Variants in WWOX observed in about 807,000 individuals in gnomAD.
WWOX encodes WW domain containing oxidoreductase, also known as WW domain-containing oxidoreductase.
A neutral mutation model predicts 46.2 loss-of-function variants in WWOX; 69 were observed. That is an observed-to-expected ratio of 1.49 (90% CI 1.23 to 1.82). WWOX has a LOEUF of 1.82. Ranked by LOEUF, WWOX falls within the 40% of genes most tolerant of loss-of-function variation. WWOX has a pLI of 0.00. For synonymous variants in WWOX, 359 were observed against 202.6 expected, an observed-to-expected ratio of 1.77 and a Z score of -6.56; for missense variants, 919 against 542.6, an observed-to-expected ratio of 1.69 and a Z score of -6.89.
At chr16:78,581,305 C>A (rs573321502) in intron 8 of WWOX, among the ~76,000 whole-genome samples, 2 of 152,238 alleles carry the variant, frequency 1.3e-5, no homozygotes, top group African/African-American at 4.8e-5. Flanking sequence ...TGGAAGCCAA[C>A]CTTTTCTATA....
chr16:78,308,108 T>C (rs565398189), intron 5 of WWOX, among the ~76,000 whole-genome samples: 2 of 152,274 alleles, frequency 1.3e-5, no homozygotes, highest in Non-Finnish European at 2.9e-5. Flanking sequence ...CCTTCATTTT[T>C]CTCTCATGGT....
At chr16:78,877,577 G>A (rs910181486) in intron 8 of WWOX, among the ~76,000 whole-genome samples, 20 of 152,132 alleles carry the variant, frequency 1.3e-4, no homozygotes, top group African/African-American at 4.8e-4. Context: ...TATTCCTTGT[G>A]GCACTTATTA....
intron 8 of WWOX, among the ~76,000 whole-genome samples, chr16:78,619,492 G>A (rs576961008): frequency 1.3e-4 from 20 of 151,446 alleles, no homozygotes; most frequent in Non-Finnish European, 2.6e-4. Context: ...AATAATTACA[G>A]GACCCTGCCA....
intron 8 of WWOX, among the ~76,000 whole-genome samples, chr16:78,910,416 TG>T (rs1322285656): frequency 6.6e-6 from 1 of 152,000 alleles, no homozygotes; most frequent in Non-Finnish European, 1.5e-5. Context: ...CACCGTGTTA[TG>T]GGGGTTGTTC....
At chr16:78,568,178 A>T (rs1210529867) in intron 8 of WWOX, among the ~76,000 whole-genome samples, 1 of 152,128 alleles carries the variant, frequency 6.6e-6, no homozygotes, top group Non-Finnish European at 1.5e-5. Flanking sequence ...ACCAAAAATC[A>T]TCCTCTGAAA....
At chr16:78,730,249 C>G (rs528804961) in intron 8 of WWOX, among the ~76,000 whole-genome samples, 3 of 152,052 alleles carry the variant, frequency 2.0e-5, no homozygotes, top group Admixed American at 6.6e-5. Flanking sequence ...ATCTTATGAA[C>G]GACGTTAGTA....
chr16:78,509,574 C>T (rs182735639), intron 8 of WWOX, among the ~76,000 whole-genome samples: 13 of 152,220 alleles, frequency 8.5e-5, no homozygotes, highest in African/African-American at 2.4e-4. Flanking sequence ...TATTTGCAGA[C>T]GCTCTGCCAG....
Position 78,115,128 on chromosome 16 carries a change from T to A in WWOX, c.383T>A (p.Val128Glu). The A allele has an allele frequency of 6.2e-7, 1 of 1,614,242 alleles. No homozygotes were observed. Among genetic ancestry groups the A allele is most frequent in the Non-Finnish European group, 8.5e-7 (1 of 1,180,036 alleles). ...CGGGATTTCACTGGCAAAGTGGTTG[T>A]GGTCACTGGAGCTAATTCAGGAATA... The part of the protein sequence containing the change: ...QGRDFTGKVV[V>E]VTGANSGIGF... Residue 128 changes from valine to glutamate, a missense_variant, in exon 4 of 9, where the codon GTG becomes GAG. Transcript: ENST00000566780.
chr16:78,742,506 G>T (rs556442512), intron 8 of WWOX, among the ~76,000 whole-genome samples: 21 of 152,322 alleles, frequency 1.4e-4, no homozygotes, highest in African/African-American at 4.8e-4. Context: ...AGAGCCTCTG[G>T]TATGTACTAG....
intron 5 of WWOX, among the ~76,000 whole-genome samples, chr16:78,181,712 G>A (rs2035537698): frequency 6.6e-6 from 1 of 151,900 alleles, no homozygotes; most frequent in Admixed American, 6.5e-5. Flanking sequence ...TTTTTTCTGA[G>A]GAACACAGGA....
intron 8 of WWOX, among the ~76,000 whole-genome samples, chr16:78,528,569 C>T (rs1019869541): frequency 6.6e-6 from 1 of 152,014 alleles, no homozygotes; most frequent in Admixed American, 6.6e-5. Context: ...AATGTTTTTG[C>T]TTTGGGGTAC....
At chr16:78,583,047 T>C (rs1195241541) in intron 8 of WWOX, among the ~76,000 whole-genome samples, 1 of 152,248 alleles carries the variant, frequency 6.6e-6, no homozygotes, top group African/African-American at 2.4e-5. Context: ...AGAGTGAAGA[T>C]GATTTCTCCA....
chr16:78,307,152 C>G (rs537381422), intron 5 of WWOX, among the ~76,000 whole-genome samples: 6 of 152,288 alleles, frequency 3.9e-5, no homozygotes, highest in Admixed American at 2.0e-4. Flanking sequence ...AGAACTTAAG[C>G]AGCATCTGTT....
intron 5 of WWOX, chr16:78,355,824 G>GA (rs1311731789): frequency 1.4e-6 from 1 of 695,436 alleles, no homozygotes; most frequent in East Asian, 3.6e-5. Flanking sequence ...CCTCCACTGA[G>GA]AGTTGGCTGA....
At chr16:78,450,771 T>C (rs188865912) in intron 8 of WWOX, among the ~76,000 whole-genome samples, 1 of 152,354 alleles carries the variant, frequency 6.6e-6, no homozygotes. Flanking sequence ...GAGCAAGTAA[T>C]GAAATTACCA....
intron 8 of WWOX, among the ~76,000 whole-genome samples, chr16:78,781,987 C>G (rs2050338379): frequency 6.6e-6 from 1 of 152,130 alleles, no homozygotes; most frequent in Non-Finnish European, 1.5e-5. Context: ...GATTCCAGCA[C>G]AAGCAATTTG....
intron 5 of WWOX, among the ~76,000 whole-genome samples, chr16:78,279,371 A>G (rs1382887589): frequency 6.6e-6 from 1 of 152,222 alleles, no homozygotes; most frequent in Non-Finnish European, 1.5e-5. Flanking sequence ...ATATGATTGT[A>G]AAATGTGTCT....
intron 5 of WWOX, among the ~76,000 whole-genome samples, chr16:78,375,523 T>C (rs950662264): frequency 1.3e-5 from 2 of 152,250 alleles, no homozygotes; most frequent in Non-Finnish European, 2.9e-5. Flanking sequence ...GACACAGATA[T>C]GAAACTGTAC....
chr16:79,136,501 T>C (rs1252151550), intron 8 of WWOX, among the ~76,000 whole-genome samples: 1 of 152,154 alleles, frequency 6.6e-6, no homozygotes, highest in Non-Finnish European at 1.5e-5. Flanking sequence ...AGTGCTGGGA[T>C]TACAGGCGTG....
Sources: allele counts gnomAD v4.1 joint callset (sites outside exome capture counted in the v4.1 genomes callset), GRCh38; gene constraint gnomAD v4.1.1; transcripts MANE v1.5; gene names NCBI Gene and HGNC (gene_info 2026-07-23, HGNC 2026-07-21).